CCDC39: variants seen among roughly 807,000 people sequenced by gnomAD.
The protein encoded by CCDC39 is coiled-coil domain 39 molecular ruler complex subunit, also known as coiled-coil domain-containing protein 39.
A neutral mutation model predicts 121.0 loss-of-function variants in CCDC39; 113 were observed. The ratio of observed to expected loss-of-function variants is 0.93; its 90% confidence interval spans 0.80 to 1.09. The LOEUF (loss-of-function observed/expected upper bound fraction) is 1.09, where lower values mean the gene tolerates loss of function less well. Ranked by LOEUF, CCDC39 falls within the 50% of genes least tolerant of loss-of-function variation. The pLI, the probability that CCDC39 is intolerant of heterozygous loss-of-function variation, is 0.00. For missense variants in CCDC39, 1,063 were observed against 1,074.7 expected (o/e 0.99, Z 0.15); for synonymous variants, 349 against 352.2 (o/e 0.99, Z 0.10).
intron 12 of CCDC39, among the ~76,000 whole-genome samples, chr3:180,643,908 C>T (rs1035678627): frequency 2.0e-5 from 3 of 152,072 alleles, no homozygotes; most frequent in Admixed American, 6.5e-5. Context: ...TTTTAGGAAG[C>T]ATATGATATA....
chr3:180,655,103 AAAC>A (rs1245836027), intron 6 of CCDC39, 150 bp from the exon 7 acceptor site: 27 of 477,238 alleles, frequency 5.7e-5, no homozygotes, highest in Non-Finnish European at 9.6e-5. Flanking sequence ...ATATTAATAA[AAAC>A]AAAATATTAG....
chr3:180,626,729 G>A (rs1717572273), intron 14 of CCDC39, among the ~76,000 whole-genome samples: 2 of 152,062 alleles, frequency 1.3e-5, no homozygotes, highest in Admixed American at 6.5e-5. Context: ...TGCTCAGGTG[G>A]GTAACAAGTT....
At chr3:180,655,311 A>C (rs1711554655) in intron 6 of CCDC39, among the ~76,000 whole-genome samples, 1 of 152,026 alleles carries the variant, frequency 6.6e-6, no homozygotes, top group African/African-American at 2.4e-5. Flanking sequence ...CAAATATTTT[A>C]CAGACCGGTT....
At chr3:180,637,575 C>T (rs993256420) in intron 13 of CCDC39, among the ~76,000 whole-genome samples, 16 of 152,130 alleles carry the variant, frequency 1.1e-4, no homozygotes, top group East Asian at 5.8e-4. Flanking sequence ...ATCCCATTAC[C>T]GGGTATATAC....
chr3:180,658,807 A>G (rs1024125250), intron 6 of CCDC39, among the ~76,000 whole-genome samples: 2 of 152,144 alleles, frequency 1.3e-5, no homozygotes, highest in Admixed American at 6.5e-5. Flanking sequence ...CATGGAGTAG[A>G]TAGAATTTAA....
At chr3:180,667,131 T>A (rs1711898501) in intron 1 of CCDC39, among the ~76,000 whole-genome samples, 1 of 152,136 alleles carries the variant, frequency 6.6e-6, no homozygotes, top group African/African-American at 2.4e-5. Context: ...AATTGATACA[T>A]TCCAAATTCT....
Position 180,679,292 on chromosome 3 carries a change from T to G in CCDC39, c.89A>C (p.Gln30Pro). 1 of 1,613,292 alleles carries G rather than the reference T, an allele frequency of 6.2e-7. No homozygotes were observed. Among genetic ancestry groups the G allele is most frequent in the Non-Finnish European group, 8.5e-7 (1 of 1,179,254 alleles). The change falls in exon 1 of 20, where the codon CAG (glutamine) becomes CCG (proline). Residue 30 changes from glutamine to proline, a missense_variant and splice_region_variant. Gln to Pro is a moderately conservative substitution (Grantham distance 76). Transcript: ENST00000476379. This position sits in a 1 kb window ranked among gnomAD's most constrained non-coding sequence, Gnocchi z 4.0. ...ANEENKLLED[Q>P]LSKLKDERAS... ...CCCGCCTGCTTCAATTGATCTCACC[T>G]GATCTTCCAGTAGCTTGTTCTCCTC...
At position 180,670,546 on chromosome 3, in the gene CCDC39, A is replaced by G. The variant is rs570966822; in HGVS notation, c.91-6560T>C. Among the ~76,000 whole-genome samples, 7 of 152,254 alleles carry G rather than the reference A, an allele frequency of 4.6e-5. No homozygotes were observed. In the South Asian group the frequency reaches 1.4e-3, roughly 32 times the overall value. On this transcript the variant is annotated intron_variant, in intron 1 of 19. Transcript: ENST00000476379. ...GAGGTCCACACTTTTACTAGTGGAAAAACACACTTTACTGATTTTATTCAT... is the reference window on the plus strand; with the variant it reads ...GAGGTCCACACTTTTACTAGTGGAAGAACACACTTTACTGATTTTATTCAT...
At chr3:180,666,923 T>C (rs1352653991) in intron 1 of CCDC39, among the ~76,000 whole-genome samples, 2 of 151,826 alleles carry the variant, frequency 1.3e-5, no homozygotes, top group Non-Finnish European at 2.9e-5. Context: ...ATTTTACCCC[T>C]AAAACAAGAC....
At chr3:180,678,545 G>A (rs1300272836) in intron 1 of CCDC39, among the ~76,000 whole-genome samples, 4 of 151,728 alleles carry the variant, frequency 2.6e-5, no homozygotes, top group African/African-American at 9.7e-5. Context: ...GGGGTTTGTG[G>A]GGGGTCTCGC....
intron 1 of CCDC39, among the ~76,000 whole-genome samples, chr3:180,675,909 T>C (rs1240603090): frequency 7.2e-6 from 1 of 139,484 alleles, no homozygotes; most frequent in Admixed American, 7.1e-5. Context: ...ATTCCCTATT[T>C]AATAAATGTG....
At chr3:180,659,826 A>G (rs1711697838) in intron 4 of CCDC39, 57 bp from the exon 5 acceptor site, 1 of 1,164,218 alleles carries the variant, frequency 8.6e-7, no homozygotes. Flanking sequence ...TTTAAATGTT[A>G]TTAGTGTATC....
chr3:180,634,060 G>T (rs137954187), intron 13 of CCDC39, among the ~76,000 whole-genome samples: 123 of 152,224 alleles, frequency 8.1e-4, no homozygotes, highest in Admixed American at 1.8e-3. Context: ...CAGTCACCAT[G>T]CAGAGAAGAC....
intron 1 of CCDC39, among the ~76,000 whole-genome samples, chr3:180,676,590 C>T (rs1712213568): frequency 6.6e-6 from 1 of 151,832 alleles, no homozygotes; most frequent in East Asian, 1.9e-4. Flanking sequence ...TGTGGCGATT[C>T]CTGAAGGATC....
chr3:180,647,243 C>A lies in CCDC39; in HGVS notation c.1363G>T (p.Asp455Tyr). ...CGTTCCACTTGTTGAATGTGAAAAT[C>A]CTGTTACAGTTTAAAAAAAAAAAGG... ...LKQQEIMYSQDFHIQQVERRM... is the reference protein window; with the variant it reads ...LKQQEIMYSQYFHIQQVERRM... Residue 455 changes from aspartate to tyrosine, a missense_variant and splice_region_variant, in exon 11 of 20, where the codon GAT becomes TAT. Physicochemically the swap from Asp to Tyr is radical, Grantham distance 160. Coordinates refer to ENST00000476379, the MANE Select transcript of CCDC39 (RefSeq NM_181426.2). 1 of 1,566,558 alleles carries A rather than the reference C, an allele frequency of 6.4e-7. No individual in the cohort carries two copies. The highest frequency in any genetic ancestry group is 8.6e-7 in the Non-Finnish European group (1 of 1,161,806).
intron 12 of CCDC39, 59 bp from the exon 13 acceptor site, chr3:180,642,260 T>G: frequency 9.0e-7 from 1 of 1,110,786 alleles, no homozygotes. Context: ...AAACCAAAAT[T>G]TTTTTTATTG....
At chr3:180,654,221 C>CAAAAAAAAA (rs76424115) in intron 7 of CCDC39, among the ~76,000 whole-genome samples, 4 of 44,900 alleles carry the variant, frequency 8.9e-5, no homozygotes, top group Admixed American at 2.6e-4. Flanking sequence ...TAGCCACACG[C>CAAAAAAAAA]AAAAAAAAAA....
chr3:180,646,428 C>T (rs1266628206), intron 11 of CCDC39, among the ~76,000 whole-genome samples: 1 of 152,046 alleles, frequency 6.6e-6, no homozygotes, highest in African/African-American at 2.4e-5. Flanking sequence ...CATTCATGTC[C>T]ACACTCACTA....
intron 6 of CCDC39, among the ~76,000 whole-genome samples, chr3:180,655,895 A>C (rs1711566134): frequency 6.6e-6 from 1 of 152,168 alleles, no homozygotes; most frequent in Non-Finnish European, 1.5e-5. Context: ...ATGAATTAGA[A>C]AAAAAATTAC....
Sources: gnomAD v4.1 joint callset for allele counts (sites outside exome capture counted in the v4.1 genomes callset) on GRCh38, gnomAD v4.1.1 for gene constraint, Gnocchi (gnomAD v3.1) non-coding constraint, MANE v1.5 for transcripts, NCBI Gene and HGNC (gene_info 2026-07-23, HGNC 2026-07-21) for gene names.